RHNO1: variants seen among roughly 807,000 people sequenced by gnomAD.
RHNO1 encodes the protein RAD9, HUS1, RAD1-interacting nuclear orphan protein 1.
Under a neutral mutation model 7.2 loss-of-function variants are expected in RHNO1, and 9 were observed. That is an observed-to-expected ratio of 1.25 (90% confidence interval 0.75 to 2.18). The LOEUF (loss-of-function observed/expected upper bound fraction) is 2.18, where lower values mean the gene tolerates loss of function less well. Ranked by LOEUF, RHNO1 falls within the 30% of genes most tolerant of loss-of-function variation. The pLI, the probability that RHNO1 is intolerant of heterozygous loss-of-function variation, is 0.00. For missense variants in RHNO1, 292 were observed against 284.5 expected, an observed-to-expected ratio of 1.03 and a Z score of -0.19; for synonymous variants, 95 against 107.5, an observed-to-expected ratio of 0.88 and a Z score of 0.72.
rs1387529083 is a variant in RHNO1 at position 2,883,503 on chromosome 12, ATATATATATTTTTTTTT to A, written c.-84-1778_-84-1762del. On this transcript the variant is annotated intron_variant, in intron 1 of 2. Coordinates refer to ENST00000489288, the MANE Select transcript of RHNO1 (RefSeq NM_001252499.3). ...TATATATATATATATATATATATAT[ATATATATATTTTTTTTT>A]TTTTTTTTTTTTTTGAGACGGAGTT... Among the ~76,000 whole-genome samples the A allele has an allele frequency of 5.7e-3, 197 of 34,788 alleles. 1 individual carries two copies. Among genetic ancestry groups the A allele is most frequent in the African/African-American group, 0.034 (178 of 5,206 alleles). The allele number at this position is 34,788 out of a possible 152,430, so 22.8% of individuals were successfully genotyped here.
chr12:2,888,888 TTAAC>T lies in RHNO1; in HGVS notation c.*431_*434del, dbSNP rs2098168844. 6.5e-6 allele frequency: 1 copy of T among 153,988 alleles called. No homozygotes were observed. The highest frequency in any genetic ancestry group is 1.4e-5 in the Non-Finnish European group (1 of 69,298). 9.5% of individuals were successfully genotyped at this position (153,988 alleles called of 1,614,324 possible). On this transcript the variant is annotated 3_prime_UTR_variant, in exon 3 of 3. Transcript: ENST00000489288. The stretch of plus-strand genomic sequence containing the variant: ...CTATTCACTTCATATTTTTCTTGTA[TTAAC>T]TGTTTAAATTTTTAAAATATCTTGT...
Position 2,889,328 on chromosome 12 carries a change from TGAA to T in RHNO1, c.*873_*875del, listed in dbSNP as rs2098169470. 6.6e-6 allele frequency: 1 copy of T among 152,216 alleles called. No homozygotes were observed. Among genetic ancestry groups the T allele is most frequent in the Non-Finnish European group, 1.5e-5 (1 of 68,050 alleles). The allele number at this position is 152,216 out of a possible 1,614,324, so 9.4% of individuals were successfully genotyped here. A position where few individuals can be genotyped will look rare whatever the true frequency, so the allele number is the denominator to read the frequency against. ...TGTGTTTTGAGTTTTTGTTTCTAAC[TGAA>T]GAAATCTGTCAATATTAAATAGGGT... On this transcript the variant is annotated 3_prime_UTR_variant, in exon 3 of 3. Coordinates refer to ENST00000489288, the MANE Select transcript of RHNO1 (RefSeq NM_001252499.3).
intron 1 of RHNO1, among the ~76,000 whole-genome samples, chr12:2,883,070 A>AAAAAAAACAAAAAC (rs1555108287): frequency 7.1e-6 from 1 of 140,772 alleles, no homozygotes; most frequent in African/African-American, 2.7e-5. Context: ...CTGTCTCAAA[A>AAAAAAAACAAAAAC]AAAAAAAAAA....
At chr12:2,887,857 C>T in intron 2 of RHNO1, 54 bp from the exon 3 acceptor site, 1 of 1,413,512 alleles carries the variant, frequency 7.1e-7, no homozygotes, top group Non-Finnish European at 9.5e-7. Context: ...ATACAGTTTC[C>T]TCTCTTAGGT....
chr12:2,886,337 T>C (rs1018989828), intron 2 of RHNO1: 1 of 152,290 alleles, frequency 6.6e-6, no homozygotes, highest in African/African-American at 2.4e-5. Context: ...GCATATGTCA[T>C]ATTTTGACCG....
chr12:2,886,517 C>T (rs1189788777), intron 2 of RHNO1, among the ~76,000 whole-genome samples: 4 of 151,856 alleles, frequency 2.6e-5, no homozygotes, highest in African/African-American at 4.8e-5. Flanking sequence ...ATTAGCTGGG[C>T]ATGGTGGTGC....
At chr12:2,881,852 C>G (rs992642283) in intron 1 of RHNO1, among the ~76,000 whole-genome samples, 1 of 151,154 alleles carries the variant, frequency 6.6e-6, no homozygotes, top group East Asian at 1.9e-4. Context: ...TTGTGGTGAG[C>G]CAAGATCGCG....
At chr12:2,880,828 G>A (rs1419208592) in intron 1 of RHNO1, among the ~76,000 whole-genome samples, 7 of 151,860 alleles carry the variant, frequency 4.6e-5, no homozygotes, top group Admixed American at 2.0e-4. Flanking sequence ...TAGTAGAGAC[G>A]AGGTCTCTCT....
intron 1 of RHNO1, 182 bp from the exon 2 acceptor site, chr12:2,885,100 TC>T: frequency 2.5e-6 from 1 of 402,810 alleles, no homozygotes. Flanking sequence ...TAGCACATAC[TC>T]AATAAATGTT....
At chr12:2,884,643 G>A (rs149707680) in intron 1 of RHNO1, among the ~76,000 whole-genome samples, 1,564 of 148,858 alleles carry the variant, frequency 0.011, 27 homozygotes, top group African/African-American at 0.036. Flanking sequence ...GATTACAGGC[G>A]TAAGCCCCCT....
intron 1 of RHNO1, among the ~76,000 whole-genome samples, chr12:2,883,253 G>A (rs2153945043): frequency 6.6e-6 from 1 of 150,652 alleles, no homozygotes; most frequent in Non-Finnish European, 1.5e-5. Flanking sequence ...GGCACGAGCT[G>A]TAGTCCCAGC....
chr12:2,881,404 C>T (rs1210900341), intron 1 of RHNO1, among the ~76,000 whole-genome samples: 1 of 151,944 alleles, frequency 6.6e-6, no homozygotes, highest in Non-Finnish European at 1.5e-5. Flanking sequence ...CGCCCGGCCT[C>T]TCTATACTTT....
intron 1 of RHNO1, among the ~76,000 whole-genome samples, chr12:2,880,333 C>T (rs141444145): frequency 6.6e-6 from 1 of 151,308 alleles, no homozygotes; most frequent in Admixed American, 6.6e-5. Context: ...TAAAAATGTT[C>T]AGGCTGGGCG....
intron 1 of RHNO1, among the ~76,000 whole-genome samples, chr12:2,882,073 C>T (rs2098158498): frequency 6.6e-6 from 1 of 151,780 alleles, no homozygotes; most frequent in African/African-American, 2.4e-5. Flanking sequence ...GCATGCTCAG[C>T]TGCAACTCTC....
intron 2 of RHNO1, among the ~76,000 whole-genome samples, chr12:2,886,543 G>A (rs779628326): frequency 2.0e-5 from 3 of 151,596 alleles, no homozygotes; most frequent in Admixed American, 6.6e-5. Flanking sequence ...TGTAGTCCCA[G>A]CTACTTGGGA....
At chr12:2,886,655 CAAAAAAAA>C (rs11441422) in intron 2 of RHNO1, among the ~76,000 whole-genome samples, 1 of 95,358 alleles carries the variant, frequency 1.0e-5, no homozygotes, top group Non-Finnish European at 2.1e-5. Flanking sequence ...GACCCTGTCT[CAAAAAAAA>C]AAAAAAAAAA....
At chr12:2,878,191 AT>A in intron 1 of RHNO1, 1 of 152,366 alleles carries the variant, frequency 6.6e-6, no homozygotes, top group Admixed American at 6.5e-5. Context: ...CAAATGTTGA[AT>A]TATTGCTGTA....
At chr12:2,879,685 T>G (rs1424374246) in intron 1 of RHNO1, among the ~76,000 whole-genome samples, 1 of 151,730 alleles carries the variant, frequency 6.6e-6, no homozygotes, top group Non-Finnish European at 1.5e-5. Flanking sequence ...GCTGTTCAGG[T>G]AGGTAATGGG....
At chr12:2,876,593 G>A (rs1043166415), upstream of RHNO1, 1 of 152,308 alleles carries the variant, frequency 6.6e-6, no homozygotes, top group African/African-American at 2.4e-5. Context: ...GTTGGTCTTT[G>A]ACTCAATGTA....
Sources: allele counts gnomAD v4.1 joint callset (sites outside exome capture counted in the v4.1 genomes callset), GRCh38; gene constraint gnomAD v4.1.1; transcripts MANE v1.5; gene names NCBI Gene and HGNC (gene_info 2026-07-23, HGNC 2026-07-21).